Variants in TRPM8 observed in about 807,000 individuals in gnomAD.
TRPM8 encodes the protein transient receptor potential cation channel subfamily M member 8, also known as TRPM8 cationic channel.
A neutral mutation model predicts 133.7 loss-of-function variants in TRPM8; 110 were observed. The ratio of observed to expected loss-of-function variants is 0.82; its 90% confidence interval spans 0.70 to 0.96. The LOEUF (loss-of-function observed/expected upper bound fraction) is 0.96, where lower values mean the gene tolerates loss of function less well. TRPM8 is among the 40% of genes least tolerant of loss of function. The probability of loss-of-function intolerance (pLI) is 0.00; values close to 1 mark genes in which losing one functional copy is unlikely to be tolerated. For synonymous variants in TRPM8, 535 were observed against 532.3 expected, an observed-to-expected ratio of 1.01 and a Z score of -0.07; for missense variants, 1,291 against 1,379.5, an observed-to-expected ratio of 0.94 and a Z score of 1.02.
chr2:233,939,464 T>G (rs981923562), intron 5 of TRPM8, among the ~76,000 whole-genome samples: 1 of 152,180 alleles, frequency 6.6e-6, no homozygotes, highest in African/African-American at 2.4e-5. Context: ...CACGTAAAGT[T>G]TTACCCAGAA....
intron 1 of TRPM8, among the ~76,000 whole-genome samples, 176 bp downstream of exon 1, chr2:233,917,608 G>A (rs1261374342): frequency 6.6e-6 from 1 of 152,194 alleles, no homozygotes; most frequent in East Asian, 1.9e-4. Flanking sequence ...ATAAGCAAAT[G>A]CGGGTTCACA....
chr2:233,970,129 A>C, intron 16 of TRPM8, 81 bp from the exon 17 acceptor site: 1 of 1,279,756 alleles, frequency 7.8e-7, no homozygotes, highest in Non-Finnish European at 1.1e-6. Context: ...GTCTGTATTT[A>C]TCTATGTTTG....
intron 25 of TRPM8, among the ~76,000 whole-genome samples, chr2:234,016,572 G>A (rs1204986776): frequency 6.6e-6 from 1 of 152,126 alleles, no homozygotes; most frequent in Admixed American, 6.5e-5. Context: ...CCTAGGCGAG[G>A]AGCTGACCCT....
intron 11 of TRPM8, among the ~76,000 whole-genome samples, chr2:233,956,416 T>A (rs1209951499): frequency 6.6e-6 from 1 of 152,244 alleles, no homozygotes; most frequent in African/African-American, 2.4e-5. Flanking sequence ...TCCTCCCGTG[T>A]ACAACTAAAG....
chr2:233,948,255 T>C (rs1339807142), intron 8 of TRPM8, among the ~76,000 whole-genome samples: 1 of 152,216 alleles, frequency 6.6e-6, no homozygotes, highest in Non-Finnish European at 1.5e-5. Context: ...GTACCCGCTA[T>C]GAAATTTACA....
chr2:233,984,052 G>C (rs749496866), intron 20 of TRPM8, among the ~76,000 whole-genome samples: 80 of 152,206 alleles, frequency 5.3e-4, no homozygotes, highest in Non-Finnish European at 1.0e-3. Context: ...CTTTACAGAA[G>C]CAGACGCATT....
chr2:233,971,592 T>C (rs1691720581), intron 17 of TRPM8, among the ~76,000 whole-genome samples: 1 of 152,168 alleles, frequency 6.6e-6, no homozygotes, highest in Non-Finnish European at 1.5e-5. Context: ...ACTTCAAGAA[T>C]GAAGCCGCGG....
At position 233,983,248 on chromosome 2, in the gene TRPM8, G is replaced by C. The variant is rs527909093; in HGVS notation, c.2761+24G>C. On this transcript the variant is annotated intron_variant, in intron 20 of 25. Transcript: ENST00000324695. ...TGGTAAGCCTGACTTGGCTCAGATG[G>C]AAACAGCTTGGAGGAGGCATTTGCT... 7 of 1,613,822 alleles carry C rather than the reference G, an allele frequency of 4.3e-6. No homozygotes were observed. The East Asian group carries it at 6.7e-5, about 15-fold the overall frequency.
chr2:233,921,053 G>A (rs569863039), intron 1 of TRPM8, among the ~76,000 whole-genome samples: 1 of 151,760 alleles, frequency 6.6e-6, no homozygotes, highest in Non-Finnish European at 1.5e-5. Context: ...TAGAGATGGG[G>A]TTTCACCATG....
intron 3 of TRPM8, among the ~76,000 whole-genome samples, chr2:233,933,272 G>A (rs561725043): frequency 6.6e-5 from 10 of 152,196 alleles, no homozygotes; most frequent in Admixed American, 5.9e-4. Context: ...CATCCAATAC[G>A]GTAGCCACTA....
chr2:234,008,157 T>C, intron 24 of TRPM8, 54 bp downstream of exon 24: 1 of 1,532,528 alleles, frequency 6.5e-7, no homozygotes, highest in South Asian at 1.2e-5. Context: ...ACTAATACTT[T>C]GAGCTTTCAG....
intron 22 of TRPM8, among the ~76,000 whole-genome samples, chr2:234,000,851 G>T (rs982699487): frequency 7.9e-5 from 12 of 152,110 alleles, no homozygotes; most frequent in African/African-American, 2.9e-4. Flanking sequence ...GCTGGTTTTT[G>T]TATTTTTAGT....
intron 22 of TRPM8, among the ~76,000 whole-genome samples, chr2:234,005,851 C>T (rs1692680657): frequency 6.6e-6 from 1 of 150,774 alleles, no homozygotes; most frequent in African/African-American, 2.4e-5. Context: ...GCTGAGGTTG[C>T]AGGGAGGCAG....
chr2:233,924,440 C>A (rs28901605), intron 1 of TRPM8, among the ~76,000 whole-genome samples: 1 of 152,036 alleles, frequency 6.6e-6, no homozygotes, highest in African/African-American at 2.4e-5. Context: ...GGACCTCAGG[C>A]CTTAAGTTCC....
intron 8 of TRPM8, chr2:233,947,356 A>G: frequency 3.3e-6 from 5 of 1,535,050 alleles, no homozygotes; most frequent in Non-Finnish European, 4.4e-6. Context: ...AATTTCAGTG[A>G]CATGAATAAC....
intron 4 of TRPM8, among the ~76,000 whole-genome samples, chr2:233,938,657 T>C (rs1690823564): frequency 6.6e-6 from 1 of 151,854 alleles, no homozygotes; most frequent in Admixed American, 6.6e-5. Context: ...AGCATTCTTT[T>C]GAGTTTCTGA....
chr2:233,919,874 T>C (rs1229433672), intron 1 of TRPM8, among the ~76,000 whole-genome samples: 1 of 152,214 alleles, frequency 6.6e-6, no homozygotes, highest in African/African-American at 2.4e-5. Context: ...TAACATGATA[T>C]TGCCGCTTGA....
In TRPM8 at chr2:234,015,311, G is replaced by A. The variant is rs536146188; in HGVS notation, c.*42+657G>A. On this transcript the variant is annotated intron_variant, in intron 25 of 25. Coordinates refer to ENST00000324695, the MANE Select transcript of TRPM8 (RefSeq NM_024080.5). ...AATGTTAGGAATGTTTTATGGACAC[G>A]TCGAGTTAGGAAAAAAACAGCAATG... 1.3e-4 allele frequency among the ~76,000 whole-genome samples: 19 copies of A among 150,550 alleles called. 1 individual carries two copies. The South Asian group carries it at 3.6e-3, about 28-fold the overall frequency.
intron 14 of TRPM8, 119 bp from the exon 15 acceptor site, chr2:233,966,491 A>G (rs914300980): frequency 1.3e-5 from 16 of 1,252,170 alleles, no homozygotes; most frequent in Non-Finnish European, 1.8e-5. Context: ...GCCTTTTGTA[A>G]GAATGGACTC....
Sources: allele counts gnomAD v4.1 joint callset (sites outside exome capture counted in the v4.1 genomes callset), GRCh38; gene constraint gnomAD v4.1.1; transcripts MANE v1.5; gene names NCBI Gene and HGNC (gene_info 2026-07-23, HGNC 2026-07-21).